GLRA3: variants seen among roughly 807,000 people sequenced by gnomAD.
GLRA3 encodes glycine receptor subunit alpha-3.
Under a neutral mutation model 60.4 loss-of-function variants are expected in GLRA3, and 44 were observed. That is an observed-to-expected ratio of 0.73 (90% CI 0.57 to 0.94). The LOEUF is 0.94. Among genes scored for constraint, GLRA3 ranks in the 40% least tolerant of loss-of-function variants. The pLI is 0.00. For missense variants in GLRA3, 508 were observed against 564.6 expected (o/e 0.90, Z 1.02); for synonymous variants, 223 against 192.9 (o/e 1.16, Z -1.29).
intron 5 of GLRA3, among the ~76,000 whole-genome samples, chr4:174,706,469 A>T (rs1735526358): frequency 6.6e-6 from 1 of 152,228 alleles, no homozygotes; most frequent in South Asian, 2.1e-4. Context: ...AGTATACAAA[A>T]GTGAAGTAAA....
At chr4:174,695,459 A>C (rs950139375) in intron 5 of GLRA3, among the ~76,000 whole-genome samples, 1 of 152,210 alleles carries the variant, frequency 6.6e-6, no homozygotes, top group Non-Finnish European at 1.5e-5. Flanking sequence ...AATGTGATTC[A>C]TCATGTAAAC....
At chr4:174,741,986 A>G (rs1381989134) in intron 3 of GLRA3, among the ~76,000 whole-genome samples, 2 of 152,176 alleles carry the variant, frequency 1.3e-5, no homozygotes, top group African/African-American at 4.8e-5. Flanking sequence ...TTGCTCAGAC[A>G]CACAGAATAA....
At chr4:174,697,236 T>C (rs1735093180) in intron 5 of GLRA3, among the ~76,000 whole-genome samples, 1 of 152,200 alleles carries the variant, frequency 6.6e-6, no homozygotes, top group South Asian at 2.1e-4. Flanking sequence ...GTTTTAAAAG[T>C]AAACCAGAAT....
chr4:174,729,811 C>T (rs1278133355), intron 3 of GLRA3, among the ~76,000 whole-genome samples: 2 of 152,142 alleles, frequency 1.3e-5, no homozygotes, highest in Non-Finnish European at 2.9e-5. Context: ...CTCACAAGAA[C>T]TGAAAACCAT....
intron 7 of GLRA3, among the ~76,000 whole-genome samples, chr4:174,659,609 A>C (rs1174969713): frequency 6.6e-6 from 1 of 151,656 alleles, no homozygotes; most frequent in Non-Finnish European, 1.5e-5. Context: ...TTGCATTTAT[A>C]AATAATATAT....
chr4:174,711,029 T>A (rs1352063), intron 5 of GLRA3, among the ~76,000 whole-genome samples: 22,814 of 151,994 alleles, frequency 0.15, 1,761 homozygotes, highest in East Asian at 0.19. Context: ...TTCACTTTAA[T>A]CAAATAGTCA....
At chr4:174,772,367 T>A (rs907125301) in intron 2 of GLRA3, among the ~76,000 whole-genome samples, 4 of 152,124 alleles carry the variant, frequency 2.6e-5, no homozygotes, top group Non-Finnish European at 4.4e-5. Flanking sequence ...CTCACAATGG[T>A]CTCAGGCCTA....
At chr4:174,763,134 A>G (rs1425940604) in intron 3 of GLRA3, among the ~76,000 whole-genome samples, 3 of 152,160 alleles carry the variant, frequency 2.0e-5, no homozygotes, top group Non-Finnish European at 4.4e-5. Context: ...TTACAGTCAT[A>G]CCCAACTAGA....
chr4:174,759,914 A>G (rs1288564355), intron 3 of GLRA3, among the ~76,000 whole-genome samples: 1 of 152,204 alleles, frequency 6.6e-6, no homozygotes, highest in Non-Finnish European at 1.5e-5. Flanking sequence ...TTTATCAGAT[A>G]GTATAAGAAA....
intron 5 of GLRA3, among the ~76,000 whole-genome samples, chr4:174,714,616 C>CA (rs1735837700): frequency 6.6e-6 from 1 of 152,182 alleles, no homozygotes; most frequent in South Asian, 2.1e-4. Flanking sequence ...CATCACACTA[C>CA]AAGCCTTGTC....
In GLRA3 at chr4:174,828,820, G is replaced by A. The variant is rs756327013; in HGVS notation, c.-9C>T. On this transcript the variant is annotated 5_prime_UTR_variant, in exon 1 of 10. Transcript: ENST00000274093. ...TGTCTCACGTGGGCCATGATACGGA[G>A]AGATATTCACGATCCTGAAAATAGT... 3 of 1,589,984 alleles carry A rather than the reference G, an allele frequency of 1.9e-6. No homozygotes were observed. In the East Asian group the frequency reaches 6.7e-5, roughly 36 times the overall value.
At chr4:174,776,098 C>G (rs1479126004) in intron 2 of GLRA3, among the ~76,000 whole-genome samples, 1 of 152,070 alleles carries the variant, frequency 6.6e-6, no homozygotes, top group Admixed American at 6.6e-5. Flanking sequence ...TGTTGAGCAA[C>G]GGTTGCCTGG....
chr4:174,760,908 C>A (rs574900135), intron 3 of GLRA3, among the ~76,000 whole-genome samples: 1 of 152,026 alleles, frequency 6.6e-6, no homozygotes, highest in Non-Finnish European at 1.5e-5. Context: ...CATATACAAG[C>A]ATGGAGTATC....
chr4:174,677,327 C>G, intron 6 of GLRA3, 35 bp from the exon 7 acceptor site: 1 of 1,170,940 alleles, frequency 8.5e-7, no homozygotes. Context: ...GCAATTAGTA[C>G]AAATAGGTCT....
chr4:174,747,785 G>A (rs1737311660), intron 3 of GLRA3, among the ~76,000 whole-genome samples: 1 of 151,922 alleles, frequency 6.6e-6, no homozygotes, highest in Non-Finnish European at 1.5e-5. Flanking sequence ...TTGTACAATT[G>A]AGGGAGATAA....
At position 174,706,585 on chromosome 4, in the gene GLRA3, A is replaced by C. The variant is rs142546424; in HGVS notation, c.574+8903T>G. Among the ~76,000 whole-genome samples the C allele has an allele frequency of 2.1e-3, 324 of 152,338 alleles. 1 individual carries two copies. The highest frequency in any genetic ancestry group is 7.4e-3 in the African/African-American group (306 of 41,580). The stretch of plus-strand genomic sequence containing the variant: ...TTAATTTCATCCATATTGAAGTTGA[A>C]AATGCAAACAAAAAAGGGATCCTCG... On this transcript the variant is annotated intron_variant, in intron 5 of 9. Transcript: ENST00000274093.
intron 3 of GLRA3, among the ~76,000 whole-genome samples, chr4:174,761,016 A>G (rs922637150): frequency 1.4e-4 from 22 of 152,180 alleles, no homozygotes; most frequent in African/African-American, 5.3e-4. Context: ...TCATACATAC[A>G]GAATGAACAT....
At chr4:174,716,573 T>C (rs1735924884) in intron 4 of GLRA3, among the ~76,000 whole-genome samples, 1 of 152,166 alleles carries the variant, frequency 6.6e-6, no homozygotes, top group African/African-American at 2.4e-5. Flanking sequence ...CTGAGAATAT[T>C]CCCATTGAAA....
chr4:174,715,433 G>A (rs1735877172), intron 5 of GLRA3, 55 bp downstream of exon 5: 3 of 833,150 alleles, frequency 3.6e-6, no homozygotes, highest in Non-Finnish European at 6.1e-6. Context: ...GGCATTAAAA[G>A]CTTGTATCTA....
Sources: gnomAD v4.1 joint callset for allele counts (sites outside exome capture counted in the v4.1 genomes callset) on GRCh38, gnomAD v4.1.1 for gene constraint, MANE v1.5 for transcripts, NCBI Gene and HGNC (gene_info 2026-07-23, HGNC 2026-07-21) for gene names.